The following LRRC69 variants were observed in gnomAD, a reference collection of about 807,000 sequenced individuals.
LRRC69 encodes leucine-rich repeat-containing protein 69.
In LRRC69, 42 loss-of-function variants were observed where a neutral mutation model predicts 37.8. That is an observed-to-expected ratio of 1.11 (90% confidence interval 0.87 to 1.44). The LOEUF (loss-of-function observed/expected upper bound fraction) is 1.44, where lower values mean the gene tolerates loss of function less well. Among genes scored for constraint, LRRC69 ranks in the 40% most tolerant of loss-of-function variants. The pLI is 0.00. For missense variants in LRRC69, 357 were observed against 401.9 expected, an observed-to-expected ratio of 0.89 and a Z score of 0.96; for synonymous variants, 141 against 143.1, an observed-to-expected ratio of 0.99 and a Z score of 0.11.
At chr8:91,197,554 T>C (rs902160306) in intron 6 of LRRC69, among the ~76,000 whole-genome samples, 1 of 151,972 alleles carries the variant, frequency 6.6e-6, no homozygotes, top group African/African-American at 2.4e-5. Flanking sequence ...GGTGCGCCGT[T>C]TTTTAAGCCC....
At chr8:91,188,836 T>G (rs77864637) in intron 5 of LRRC69, among the ~76,000 whole-genome samples, 2 of 137,682 alleles carry the variant, frequency 1.5e-5, no homozygotes, top group Non-Finnish European at 3.1e-5. Context: ...CCGTCTTCTG[T>G]TTTTTTTTTT....
intron 5 of LRRC69, among the ~76,000 whole-genome samples, chr8:91,188,269 C>T (rs1312257695): frequency 6.6e-6 from 1 of 152,128 alleles, no homozygotes; most frequent in Non-Finnish European, 1.5e-5. Context: ...ACATGATATC[C>T]CAGATGTTTA....
intron 1 of LRRC69, among the ~76,000 whole-genome samples, chr8:91,118,985 CTTG>C (rs1335051126): frequency 3.3e-5 from 5 of 151,966 alleles, no homozygotes; most frequent in Non-Finnish European, 5.9e-5. Context: ...ATTGCATTAT[CTTG>C]TTGTCTTTTT....
At chr8:91,106,263 T>C (rs1224019157) in intron 1 of LRRC69, among the ~76,000 whole-genome samples, 2 of 152,106 alleles carry the variant, frequency 1.3e-5, no homozygotes, top group African/African-American at 4.8e-5. Flanking sequence ...GACTTTTGTT[T>C]CATTTTGTTT....
intron 6 of LRRC69, among the ~76,000 whole-genome samples, chr8:91,197,868 C>T (rs1266415617): frequency 3.9e-5 from 6 of 152,034 alleles, no homozygotes; most frequent in Admixed American, 6.6e-5. Flanking sequence ...TGGCTCCTCC[C>T]GTCTCCAAAA....
intron 5 of LRRC69, among the ~76,000 whole-genome samples, chr8:91,136,082 A>G (rs1291348686): frequency 6.6e-6 from 1 of 151,982 alleles, no homozygotes; most frequent in African/African-American, 2.4e-5. Context: ...TATCCCTTGT[A>G]ATTAATCCAA....
chr8:91,193,159 G>C (rs1336061704), intron 6 of LRRC69, among the ~76,000 whole-genome samples: 1 of 129,126 alleles, frequency 7.7e-6, no homozygotes, highest in Non-Finnish European at 1.7e-5. Context: ...GATAGTTGTA[G>C]ATATGCGGCG....
intron 5 of LRRC69, among the ~76,000 whole-genome samples, chr8:91,142,116 C>T (rs1220356854): frequency 6.6e-6 from 1 of 151,948 alleles, no homozygotes; most frequent in East Asian, 1.9e-4. Context: ...GCTCCTCTTT[C>T]CCTCAGGAGC....
intron 7 of LRRC69, among the ~76,000 whole-genome samples, chr8:91,217,749 A>G (rs2130657930): frequency 6.6e-6 from 1 of 152,286 alleles, no homozygotes; most frequent in Non-Finnish European, 1.5e-5. Context: ...AGACAGGAAA[A>G]ACCAAGACGT....
At chr8:91,115,621 C>T (rs1167170958) in intron 1 of LRRC69, among the ~76,000 whole-genome samples, 7 of 151,914 alleles carry the variant, frequency 4.6e-5, no homozygotes, top group African/African-American at 1.7e-4. Flanking sequence ...TTAAACTTTT[C>T]CAGTCTAAAT....
chr8:91,205,279 C>A (rs1467856175), intron 7 of LRRC69, among the ~76,000 whole-genome samples: 1 of 152,082 alleles, frequency 6.6e-6, no homozygotes, highest in Non-Finnish European at 1.5e-5. Context: ...GCTATACTAA[C>A]CCACGCTTAG....
chr8:91,118,088 A>T, intron 1 of LRRC69: 1 of 437,842 alleles, frequency 2.3e-6, no homozygotes, highest in Admixed American at 2.7e-5. Context: ...ATACTAAAAA[A>T]TTAAATATAG....
chr8:91,110,800 A>G (rs1813394930), intron 1 of LRRC69, among the ~76,000 whole-genome samples: 2 of 152,108 alleles, frequency 1.3e-5, no homozygotes, highest in Non-Finnish European at 2.9e-5. Flanking sequence ...TTCTAGGCCT[A>G]CATATGATAT....
intron 5 of LRRC69, chr8:91,157,989 G>A (rs1808866991): frequency 1.5e-6 from 2 of 1,354,212 alleles, no homozygotes; most frequent in Admixed American, 1.7e-5. Context: ...GAACATCTGG[G>A]AATTCTAGGT....
chr8:91,196,297 T>G (rs1238728720), intron 6 of LRRC69, among the ~76,000 whole-genome samples: 4 of 151,902 alleles, frequency 2.6e-5, no homozygotes, highest in Admixed American at 2.0e-4. Context: ...TCATTTCAAG[T>G]TTGGTGAATC....
intron 5 of LRRC69, among the ~76,000 whole-genome samples, chr8:91,150,640 G>T: frequency 6.6e-6 from 1 of 151,958 alleles, no homozygotes; most frequent in African/African-American, 2.4e-5. Context: ...CTACTGATTG[G>T]AATAGTTTCA....
chr8:91,135,429 T>C (rs1813892575), intron 4 of LRRC69, among the ~76,000 whole-genome samples: 1 of 152,022 alleles, frequency 6.6e-6, no homozygotes, highest in African/African-American at 2.4e-5. Context: ...AGATGTAGTG[T>C]AACTCACAGT....
chr8:91,165,105 T>C (rs1001212165), intron 5 of LRRC69, among the ~76,000 whole-genome samples: 2 of 151,694 alleles, frequency 1.3e-5, no homozygotes, highest in African/African-American at 4.8e-5. Context: ...GAGGAACAAT[T>C]GGCAACATCT....
At chr8:91,182,871 C>T (rs1452816680) in intron 5 of LRRC69, among the ~76,000 whole-genome samples, 1 of 152,122 alleles carries the variant, frequency 6.6e-6, no homozygotes, top group Admixed American at 6.5e-5. Context: ...CTGAAATCAG[C>T]ACACTAAATG....
Sources: gnomAD v4.1 joint callset for allele counts (sites outside exome capture counted in the v4.1 genomes callset) on GRCh38, gnomAD v4.1.1 for gene constraint, MANE v1.5 for transcripts, NCBI Gene and HGNC (gene_info 2026-07-23, HGNC 2026-07-21) for gene names.